PTPN13: variants seen among roughly 807,000 people sequenced by gnomAD.
The protein encoded by PTPN13 is protein tyrosine phosphatase non-receptor type 13.
PTPN13 carries 191 observed loss-of-function variants against 284.0 expected under a neutral mutation model. That is an observed-to-expected ratio of 0.67 (90% CI 0.60 to 0.76). The LOEUF is 0.76. Ranked by LOEUF, PTPN13 falls within the 30% of genes least tolerant of loss-of-function variation. PTPN13 has a pLI of 0.00. For missense variants in PTPN13, 2,797 were observed against 2,939.9 expected (o/e 0.95, Z 1.12); for synonymous variants, 986 against 1,022.3 (o/e 0.96, Z 0.68).
Position 86,750,667 on chromosome 4 carries a change from T to C in PTPN13, c.2848T>C (p.Ser950Pro). 1 of 1,613,828 alleles carries C rather than the reference T, an allele frequency of 6.2e-7. No individual in the cohort carries two copies. The highest frequency in any genetic ancestry group is 8.5e-7 in the Non-Finnish European group (1 of 1,179,828). Residue 950 changes from serine (S) to proline (P), a missense_variant, in exon 18 of 48, where the codon TCA becomes CCA. By Grantham distance (74) the Ser-to-Pro change is moderately conservative. Coordinates refer to ENST00000411767, the MANE Select transcript of PTPN13 (RefSeq NM_080683.3). The part of the protein sequence containing the change: ...LSLYQPLQNS[S>P]KEKNDKASWE... ...GCTTTACCAGCCATTGCAAAACAGT[T>C]CAAAAGAGAAGAATGACAAAGCTTC...
chr4:86,715,039 A>G (rs1308888508), intron 7 of PTPN13, among the ~76,000 whole-genome samples: 1 of 152,142 alleles, frequency 6.6e-6, no homozygotes, highest in African/African-American at 2.4e-5. Flanking sequence ...GAAGAAGGGG[A>G]AGAGCGGTGT....
chr4:86,734,485 C>G (rs1735276321), intron 13 of PTPN13, 29 bp downstream of exon 13: 8 of 1,494,002 alleles, frequency 5.4e-6, no homozygotes, highest in African/African-American at 1.4e-5. Flanking sequence ...CTCTTTTGCT[C>G]TTTTTGGACA....
At chr4:86,623,853 C>CT (rs1362420624) in intron 1 of PTPN13, among the ~76,000 whole-genome samples, 1 of 152,108 alleles carries the variant, frequency 6.6e-6, no homozygotes, top group Non-Finnish European at 1.5e-5. Context: ...CTGCTATTCC[C>CT]TAGGCCTCCT....
intron 2 of PTPN13, among the ~76,000 whole-genome samples, chr4:86,658,436 T>C (rs906423433): frequency 6.6e-6 from 1 of 152,352 alleles, no homozygotes. Flanking sequence ...TTTGTTCTTA[T>C]GAAGATGCTT....
intron 1 of PTPN13, among the ~76,000 whole-genome samples, chr4:86,602,307 CT>C (rs1232013666): frequency 6.6e-6 from 1 of 152,086 alleles, no homozygotes; most frequent in Non-Finnish European, 1.5e-5. Flanking sequence ...CCTTGCTGTA[CT>C]TTATTTTCCT....
At chr4:86,669,410 G>C (rs1026155840) in intron 2 of PTPN13, among the ~76,000 whole-genome samples, 61 of 150,608 alleles carry the variant, frequency 4.1e-4, no homozygotes, top group African/African-American at 1.4e-3. Context: ...ATTACACATT[G>C]TACATATGTA....
intron 7 of PTPN13, among the ~76,000 whole-genome samples, chr4:86,714,649 C>T (rs1732810029): frequency 6.6e-6 from 1 of 152,084 alleles, no homozygotes; most frequent in African/African-American, 2.4e-5. Context: ...CCTTCTTTAA[C>T]CCTCTCTGAT....
At chr4:86,738,338 G>C (rs1265900576) in intron 15 of PTPN13, among the ~76,000 whole-genome samples, 1 of 152,172 alleles carries the variant, frequency 6.6e-6, no homozygotes, top group Admixed American at 6.5e-5. Context: ...AACAGTGTGT[G>C]AATTTCAGTT....
At chr4:86,732,251 A>G in intron 10 of PTPN13, 149 bp from the exon 11 acceptor site, 2 of 628,976 alleles carry the variant, frequency 3.2e-6, no homozygotes, top group South Asian at 4.6e-5. Flanking sequence ...TCTTCATGAA[A>G]GCTTCAACGT....
intron 37 of PTPN13, among the ~76,000 whole-genome samples, chr4:86,782,694 A>C (rs1170690046): frequency 6.6e-6 from 1 of 152,182 alleles, no homozygotes; most frequent in Non-Finnish European, 1.5e-5. Context: ...AGTAGCAAAA[A>C]AATAAATAAA....
intron 2 of PTPN13, among the ~76,000 whole-genome samples, chr4:86,656,612 G>C (rs957029223): frequency 6.6e-6 from 1 of 152,188 alleles, no homozygotes; most frequent in South Asian, 2.1e-4. Flanking sequence ...GTACCCGGCT[G>C]TGTGAGGTGT....
intron 6 of PTPN13, among the ~76,000 whole-genome samples, chr4:86,696,285 G>A (rs1437703741): frequency 1.3e-5 from 2 of 151,912 alleles, no homozygotes; most frequent in Non-Finnish European, 2.9e-5. Flanking sequence ...GGTGTTCAGT[G>A]TATATTTGTT....
intron 3 of PTPN13, among the ~76,000 whole-genome samples, chr4:86,683,376 A>G (rs1210107835): frequency 6.6e-6 from 1 of 152,202 alleles, no homozygotes; most frequent in Admixed American, 6.5e-5. Flanking sequence ...TTAAGACCCA[A>G]GAAGGTTTCA....
intron 2 of PTPN13, chr4:86,661,073 A>G (rs1726431344): frequency 8.8e-6 from 4 of 453,152 alleles, no homozygotes; most frequent in East Asian, 7.1e-5. Flanking sequence ...TTATGAATGT[A>G]TGCACTCATA....
intron 1 of PTPN13, among the ~76,000 whole-genome samples, chr4:86,621,468 A>T (rs1721234799): frequency 6.6e-6 from 1 of 152,150 alleles, no homozygotes; most frequent in Non-Finnish European, 1.5e-5. Context: ...AAATCCAAAA[A>T]TGTCTGAAAA....
intron 15 of PTPN13, among the ~76,000 whole-genome samples, chr4:86,739,173 G>A (rs1200946039): frequency 6.6e-6 from 1 of 152,048 alleles, no homozygotes. Context: ...TCATGTGTAG[G>A]GTGAAGTAAG....
intron 10 of PTPN13, among the ~76,000 whole-genome samples, chr4:86,725,186 A>T (rs1213885761): frequency 6.6e-6 from 1 of 150,962 alleles, no homozygotes; most frequent in Non-Finnish European, 1.5e-5. Flanking sequence ...CATGGTGTAT[A>T]TGTGCCACAT....
intron 2 of PTPN13, among the ~76,000 whole-genome samples, chr4:86,650,094 T>A (rs1724906067): frequency 1.3e-5 from 2 of 151,956 alleles, no homozygotes; most frequent in African/African-American, 4.8e-5. Context: ...CAAGTGATTC[T>A]CCCTGCCTCA....
chr4:86,642,980 A>ATT (rs547835956), intron 2 of PTPN13, among the ~76,000 whole-genome samples: 3 of 151,918 alleles, frequency 2.0e-5, no homozygotes, highest in Non-Finnish European at 4.4e-5. Context: ...CAAAACAGTA[A>ATT]TTTTTTTTGT....
Sources: gnomAD v4.1 joint callset for allele counts (sites outside exome capture counted in the v4.1 genomes callset) on GRCh38, gnomAD v4.1.1 for gene constraint, MANE v1.5 for transcripts, NCBI Gene and HGNC (gene_info 2026-07-23, HGNC 2026-07-21) for gene names.